ERBB4: variants seen among roughly 807,000 people sequenced by gnomAD.
The protein encoded by ERBB4 is receptor tyrosine-protein kinase erbB-4.
In ERBB4, 42 loss-of-function variants were observed where a neutral mutation model predicts 158.0. That is an observed-to-expected ratio of 0.27 (90% confidence interval 0.21 to 0.34). The LOEUF is 0.34. Among genes scored for constraint, ERBB4 ranks in the 10% least tolerant of loss-of-function variants. The pLI is 1.00. For missense variants in ERBB4, 1,333 were observed against 1,624.1 expected (o/e 0.82, Z 3.08); for synonymous variants, 583 against 558.7 (o/e 1.04, Z -0.61).
chr2:211,974,299 G>A (rs897351241), intron 2 of ERBB4, among the ~76,000 whole-genome samples: 5 of 151,938 alleles, frequency 3.3e-5, no homozygotes, highest in Non-Finnish European at 4.4e-5. Flanking sequence ...TAATTCCAGT[G>A]CTTAAGATAG....
At chr2:212,143,710 T>TC (rs936623013) in intron 1 of ERBB4, among the ~76,000 whole-genome samples, 26 of 152,168 alleles carry the variant, frequency 1.7e-4, no homozygotes, top group African/African-American at 5.3e-4. Context: ...TTTTCGCACT[T>TC]TGTTCCAATG....
At chr2:211,438,478 G>A (rs1333578047) in intron 20 of ERBB4, among the ~76,000 whole-genome samples, 1 of 152,056 alleles carries the variant, frequency 6.6e-6, no homozygotes, top group Admixed American at 6.6e-5. Flanking sequence ...TTCTTTATTT[G>A]TTAAATGGGG....
intron 1 of ERBB4, among the ~76,000 whole-genome samples, chr2:212,528,239 G>C (rs996071137): frequency 1.3e-5 from 2 of 152,090 alleles, no homozygotes; most frequent in African/African-American, 4.8e-5. Flanking sequence ...ACAGTGGGCA[G>C]GTAGAGTGGA....
intron 1 of ERBB4, among the ~76,000 whole-genome samples, chr2:212,346,635 T>C (rs995607565): frequency 2.6e-5 from 4 of 151,980 alleles, no homozygotes; most frequent in African/African-American, 4.8e-5. Context: ...CGAAAAAATA[T>C]TGTCAAGTTA....
chr2:211,879,503 C>A (rs1007510350), intron 3 of ERBB4, among the ~76,000 whole-genome samples: 16 of 152,132 alleles, frequency 1.1e-4, no homozygotes, highest in African/African-American at 3.6e-4. Flanking sequence ...GTTGTTATTG[C>A]CAGTTTGGCC....
intron 3 of ERBB4, among the ~76,000 whole-genome samples, chr2:211,945,938 C>T (rs539202810): frequency 1.5e-4 from 23 of 152,130 alleles, no homozygotes; most frequent in South Asian, 4.1e-4. Flanking sequence ...AAACACAATG[C>T]TTCCTATGCA....
chr2:211,860,176 A>G (rs1559583899), intron 3 of ERBB4, among the ~76,000 whole-genome samples: 1 of 152,182 alleles, frequency 6.6e-6, no homozygotes, highest in African/African-American at 2.4e-5. Flanking sequence ...CTCTTTCATT[A>G]CTAAGTAAAG....
chr2:211,551,246 C>A (rs1276290720), intron 20 of ERBB4, among the ~76,000 whole-genome samples: 2 of 152,152 alleles, frequency 1.3e-5, no homozygotes, highest in Non-Finnish European at 2.9e-5. Flanking sequence ...CGCTGACATA[C>A]ACAAAAGGTC....
chr2:211,401,921 A>G (rs1188389321), intron 25 of ERBB4, among the ~76,000 whole-genome samples: 1 of 151,588 alleles, frequency 6.6e-6, no homozygotes. Context: ...CTGGGCCACT[A>G]TGTCACAATT....
chr2:212,274,699 T>G (rs541290263), intron 1 of ERBB4, among the ~76,000 whole-genome samples: 1 of 151,842 alleles, frequency 6.6e-6, no homozygotes, highest in Non-Finnish European at 1.5e-5. Flanking sequence ...GGTTTGTGTA[T>G]ATTTTATGGC....
At chr2:212,355,336 T>C (rs913647908) in intron 1 of ERBB4, among the ~76,000 whole-genome samples, 1 of 152,066 alleles carries the variant, frequency 6.6e-6, no homozygotes, top group East Asian at 1.9e-4. Context: ...AGCTCCATAA[T>C]AAACTTTAGA....
chr2:211,578,342 T>A (rs116489169), intron 19 of ERBB4, among the ~76,000 whole-genome samples: 1 of 152,174 alleles, frequency 6.6e-6, no homozygotes, highest in African/African-American at 2.4e-5. Context: ...TGTTCCTGAA[T>A]AGGAAGAATT....
rs544530923 is a variant in ERBB4, at chr2:211,553,824, C to G, written c.2487+8079G>C. On this transcript the variant is annotated intron_variant, in intron 20 of 27. Transcript: ENST00000342788. ...AGTACCAGACTACACATTTTAAATT[C>G]TTATTTTACAGTGTCCCTTGTAATT... is the stretch of plus-strand genomic sequence containing the variant. 2.0e-3 allele frequency among the ~76,000 whole-genome samples: 312 copies of G among 152,260 alleles called. 2 individuals are homozygous for G. The highest frequency in any genetic ancestry group is 7.1e-3 in the African/African-American group (293 of 41,548).
chr2:211,616,977 G>C (rs993996622), intron 19 of ERBB4, among the ~76,000 whole-genome samples: 1 of 151,950 alleles, frequency 6.6e-6, no homozygotes, highest in Non-Finnish European at 1.5e-5. Flanking sequence ...AAATTCAGCA[G>C]AAATCTAAGA....
chr2:212,070,556 A>G lies in ERBB4; in HGVS notation c.234+54196T>C, dbSNP rs114462470. Among the ~76,000 whole-genome samples the G allele has an allele frequency of 6.3e-3, 956 of 152,182 alleles. 9 individuals carry two copies. Among genetic ancestry groups the G allele is most frequent in the African/African-American group, 0.022 (906 of 41,556 alleles). On this transcript the variant is annotated intron_variant, in intron 2 of 27. Coordinates refer to ENST00000342788, the MANE Select transcript of ERBB4 (RefSeq NM_005235.3). ...CCCATAATTGATATTTGGTCAATTG[A>G]CTTTTGGCCAGGGAATCAAGACTGT...
chr2:211,702,220 T>C, intron 11 of ERBB4, 54 bp from the exon 12 acceptor site: 3 of 1,282,150 alleles, frequency 2.3e-6, no homozygotes, highest in South Asian at 1.2e-5. Context: ...CGGAGTAAAA[T>C]AAGGCTGTCA....
At chr2:211,408,570 A>G (rs564133253) in intron 25 of ERBB4, among the ~76,000 whole-genome samples, 194 of 152,342 alleles carry the variant, frequency 1.3e-3, no homozygotes, top group South Asian at 2.3e-3. Flanking sequence ...CAGTGTTTCT[A>G]AGACACGCAT....
chr2:211,811,508 C>T (rs774547332), intron 3 of ERBB4, among the ~76,000 whole-genome samples: 2 of 151,956 alleles, frequency 1.3e-5, no homozygotes, highest in East Asian at 3.9e-4. Context: ...TTGCTCTTCT[C>T]GAGGAGTATC....
intron 1 of ERBB4, among the ~76,000 whole-genome samples, chr2:212,335,293 T>G (rs2088377081): frequency 6.6e-6 from 1 of 151,974 alleles, no homozygotes; most frequent in Non-Finnish European, 1.5e-5. Context: ...AAGATTCATC[T>G]TAACAATACA....
Sources: gnomAD v4.1 joint callset for allele counts (sites outside exome capture counted in the v4.1 genomes callset) on GRCh38, gnomAD v4.1.1 for gene constraint, MANE v1.5 for transcripts, NCBI Gene and HGNC (gene_info 2026-07-23, HGNC 2026-07-21) for gene names.